Variants in SLIT2 observed in about 807,000 individuals in gnomAD.
The protein encoded by SLIT2 is slit homolog 2 protein.
A neutral mutation model predicts 185.7 loss-of-function variants in SLIT2; 41 were observed. The ratio of observed to expected loss-of-function variants is 0.22; its 90% confidence interval spans 0.17 to 0.29. The LOEUF is 0.29. Ranked by LOEUF, SLIT2 falls within the 10% of genes least tolerant of loss-of-function variation. The probability of loss-of-function intolerance (pLI) is 1.00; values close to 1 mark genes in which losing one functional copy is unlikely to be tolerated. For missense variants in SLIT2, 1,571 were observed against 1,909.0 expected (o/e 0.82, Z 3.30); for synonymous variants, 693 against 680.2 (o/e 1.02, Z -0.29).
chr4:20,411,869 C>G (rs1727282139), intron 4 of SLIT2, among the ~76,000 whole-genome samples: 1 of 152,108 alleles, frequency 6.6e-6, no homozygotes, highest in African/African-American at 2.4e-5. Context: ...TGTGCACTCC[C>G]TTGCCAGCGC....
intron 4 of SLIT2, among the ~76,000 whole-genome samples, chr4:20,343,802 T>TA (rs34514669): frequency 0.69 from 90,296 of 130,568 alleles, 31,066 homozygotes; most frequent in East Asian, 0.78. Flanking sequence ...TCCTTAAAAC[T>TA]AAAAAAAAAA....
chr4:20,528,428 T>C lies in SLIT2; in HGVS notation c.1463-521T>C. ...GCTTAAATCAGGATTTTCCTGTCTC[T>C]TTCTACAAAATCAAAATGAAAAAAG... On this transcript the variant is annotated intron_variant, in intron 15 of 36. Transcript: ENST00000504154. This position sits in a 1 kb window ranked among gnomAD's most constrained non-coding sequence, Gnocchi z 4.2. 1 of 498,318 alleles carries C rather than the reference T, an allele frequency of 2.0e-6. No homozygotes were observed. Among genetic ancestry groups the C allele is most frequent in the Non-Finnish European group, 4.2e-6 (1 of 239,674 alleles). The allele number at this position is 498,318 out of a possible 1,614,324, so 30.9% of individuals were successfully genotyped here. A position where few individuals can be genotyped will look rare whatever the true frequency, so the allele number is the denominator to read the frequency against.
intron 4 of SLIT2, among the ~76,000 whole-genome samples, chr4:20,371,434 A>G (rs1233001076): frequency 6.6e-6 from 1 of 152,134 alleles, no homozygotes; most frequent in Non-Finnish European, 1.5e-5. Context: ...TAGAAGCAGT[A>G]TATTAAAACA....
At chr4:20,585,249 C>T (rs1020374043) in intron 29 of SLIT2, among the ~76,000 whole-genome samples, 30 of 152,170 alleles carry the variant, frequency 2.0e-4, no homozygotes, top group Non-Finnish European at 1.0e-4. Flanking sequence ...CCATAGACCC[C>T]TTGATGGACC....
intron 4 of SLIT2, among the ~76,000 whole-genome samples, chr4:20,299,552 C>A (rs1221956017): frequency 6.6e-6 from 1 of 151,732 alleles, no homozygotes; most frequent in African/African-American, 2.4e-5. Context: ...TTCATGATTT[C>A]TTTTTCTATA....
intron 33 of SLIT2, 99 bp downstream of exon 33, chr4:20,598,494 T>G: frequency 7.0e-7 from 1 of 1,426,922 alleles, no homozygotes; most frequent in Non-Finnish European, 9.7e-7. Context: ...GAGACTAAGT[T>G]GGCCCCAGCA....
At chr4:20,567,492 G>T (rs763642316) in intron 27 of SLIT2, 26 bp from the exon 28 acceptor site, 8 of 1,609,856 alleles carry the variant, frequency 5.0e-6, no homozygotes, top group South Asian at 1.1e-5. Flanking sequence ...TACTTCACTC[G>T]ACTATACTTG....
chr4:20,509,805 T>G (rs145962173), intron 9 of SLIT2, among the ~76,000 whole-genome samples: 1,758 of 152,292 alleles, frequency 0.012, 26 homozygotes, highest in African/African-American at 0.029. Flanking sequence ...ATAGATGATA[T>G]CAGTTATTTT....
chr4:20,554,048 CA>C, intron 26 of SLIT2, 80 bp downstream of exon 26: 1 of 1,193,992 alleles, frequency 8.4e-7, no homozygotes. Context: ...ATTGTCAATC[CA>C]AAGGTATGGT....
intron 22 of SLIT2, 88 bp downstream of exon 22, chr4:20,546,187 G>C (rs1392386222): frequency 4.4e-6 from 3 of 678,760 alleles, no homozygotes; most frequent in Non-Finnish European, 5.1e-6. Context: ...GAACCTTCCA[G>C]ATAATACAAA....
chr4:20,374,647 CCTT>C (rs1560365862), intron 4 of SLIT2, among the ~76,000 whole-genome samples: 2 of 151,872 alleles, frequency 1.3e-5, no homozygotes, highest in South Asian at 4.2e-4. Context: ...CCTCTTCTCT[CCTT>C]CTCTTCCCTT....
intron 4 of SLIT2, among the ~76,000 whole-genome samples, chr4:20,324,484 A>G (rs1452573640): frequency 6.6e-6 from 1 of 152,194 alleles, no homozygotes; most frequent in Non-Finnish European, 1.5e-5. Flanking sequence ...TGATGTAACC[A>G]AAGGGCAGAA....
intron 5 of SLIT2, among the ~76,000 whole-genome samples, chr4:20,470,701 G>T (rs1438649156): frequency 6.6e-6 from 1 of 152,044 alleles, no homozygotes; most frequent in Non-Finnish European, 1.5e-5. Flanking sequence ...TCAGCCCCCT[G>T]AGTAGCTGGG....
At chr4:20,498,399 G>A (rs1718424823) in intron 9 of SLIT2, among the ~76,000 whole-genome samples, 3 of 152,140 alleles carry the variant, frequency 2.0e-5, no homozygotes, top group African/African-American at 7.2e-5. Context: ...GTCTGTACAT[G>A]ATCTGGTCTA....
chr4:20,580,002 A>G (rs961785268), intron 29 of SLIT2, among the ~76,000 whole-genome samples: 1 of 145,840 alleles, frequency 6.9e-6, no homozygotes, highest in African/African-American at 2.5e-5. Context: ...TATGTAATAT[A>G]TCATATATAA....
Position 20,445,838 on chromosome 4 carries a change from G to A in SLIT2, c.396-21914G>A, listed in dbSNP as rs1398031. On this transcript the variant is annotated intron_variant, in intron 4 of 36. Coordinates refer to ENST00000504154, the MANE Select transcript of SLIT2 (RefSeq NM_004787.4). ...CTCTGCAACTTTGGACAAATGAAGC[G>A]ACTCTCTTAATTATGGTTTCCTTGA... is the stretch of plus-strand genomic sequence containing the variant. Among the ~76,000 whole-genome samples the A allele has an allele frequency of 6.1e-3, 932 of 152,246 alleles. 5 individuals carry two copies. The highest frequency in any genetic ancestry group is 0.021 in the African/African-American group (869 of 41,530).
chr4:20,526,849 A>G (rs1179452869), intron 15 of SLIT2, among the ~76,000 whole-genome samples: 1 of 152,140 alleles, frequency 6.6e-6, no homozygotes, highest in Non-Finnish European at 1.5e-5. Context: ...AGTCCACCTA[A>G]CAAGCCACCA....
At chr4:20,319,907 A>G (rs1270096621) in intron 4 of SLIT2, among the ~76,000 whole-genome samples, 2 of 152,132 alleles carry the variant, frequency 1.3e-5, no homozygotes, top group Non-Finnish European at 2.9e-5. Flanking sequence ...TTTCTAATAA[A>G]GATGTTTCTT....
intron 11 of SLIT2, among the ~76,000 whole-genome samples, chr4:20,517,521 A>G (rs762028115): frequency 2.7e-5 from 4 of 150,150 alleles, no homozygotes; most frequent in Non-Finnish European, 5.9e-5. Context: ...TGTTCTGGAC[A>G]ATATAGAATC....
Sources: allele counts gnomAD v4.1 joint callset (sites outside exome capture counted in the v4.1 genomes callset), GRCh38; gene constraint gnomAD v4.1.1; non-coding constraint Gnocchi (gnomAD v3.1); transcripts MANE v1.5; gene names NCBI Gene and HGNC (gene_info 2026-07-23, HGNC 2026-07-21).